The following SLC22A9 variants were observed in gnomAD, a reference collection of about 807,000 sequenced individuals.
SLC22A9 encodes the protein organic anion transporter 7.
SLC22A9 carries 64 observed loss-of-function variants against 50.1 expected under a neutral mutation model. The observed-to-expected ratio is 1.28, with a 90% CI of 1.04 to 1.57. SLC22A9 has a LOEUF of 1.57. Among genes scored for constraint, SLC22A9 ranks in the 40% most tolerant of loss-of-function variants. The pLI is 0.00. For synonymous variants in SLC22A9, 261 were observed against 242.5 expected (o/e 1.08, Z -0.71); for missense variants, 757 against 676.1 (o/e 1.12, Z -1.33).
intron 6 of SLC22A9, among the ~76,000 whole-genome samples, chr11:63,399,773 C>A (rs1448479243): frequency 2.0e-5 from 3 of 152,080 alleles, no homozygotes; most frequent in African/African-American, 7.2e-5. Context: ...ATGCAGCATT[C>A]TTTAGATAGA....
intron 6 of SLC22A9, among the ~76,000 whole-genome samples, chr11:63,398,244 A>G (rs1345476471): frequency 1.3e-5 from 2 of 152,096 alleles, no homozygotes; most frequent in African/African-American, 2.4e-5. Context: ...AATAGTATCC[A>G]TGTTGCAAGA....
chr11:63,408,365 T>C (rs2015076813), intron 8 of SLC22A9, 145 bp downstream of exon 8: 1 of 726,100 alleles, frequency 1.4e-6, no homozygotes, highest in Non-Finnish European at 2.3e-6. Flanking sequence ...AGACCAACTT[T>C]ATCTCAAGCT....
intron 6 of SLC22A9, among the ~76,000 whole-genome samples, chr11:63,385,480 T>C (rs1366677066): frequency 6.6e-6 from 1 of 152,148 alleles, no homozygotes; most frequent in Non-Finnish European, 1.5e-5. Flanking sequence ...GAGCAGTGGT[T>C]TGTAGTTCAC....
At chr11:63,396,292 CCT>C (rs1488270249) in intron 6 of SLC22A9, among the ~76,000 whole-genome samples, 1 of 152,148 alleles carries the variant, frequency 6.6e-6, no homozygotes, top group Non-Finnish European at 1.5e-5. Context: ...CATTTTTCTG[CCT>C]CTCTCCACAG....
chr11:63,370,951 T>C (rs746527205), intron 1 of SLC22A9, among the ~76,000 whole-genome samples, 184 bp from the exon 2 acceptor site: 78 of 152,264 alleles, frequency 5.1e-4, no homozygotes, highest in Non-Finnish European at 9.3e-4. Context: ...TAGGAAAGTC[T>C]TCCAAGAGAA....
Position 63,396,435 on chromosome 11 carries a change from G to C in SLC22A9, c.1074-10062G>C, listed in dbSNP as rs371946623. ...ATTAACTCAGCTCCAGGTAAGGTCA[G>C]AAACTTCCTGCAAAGTAGACCTTCA... On this transcript the variant is annotated intron_variant, in intron 6 of 9. Coordinates refer to ENST00000279178, the MANE Select transcript of SLC22A9 (RefSeq NM_080866.3). Among the ~76,000 whole-genome samples the C allele has an allele frequency of 7.2e-5, 11 of 152,290 alleles. No homozygotes were observed. The East Asian group carries it at 1.4e-3, about 19-fold the overall frequency.
At chr11:63,404,718 A>T (rs1341228702) in intron 6 of SLC22A9, among the ~76,000 whole-genome samples, 3 of 152,068 alleles carry the variant, frequency 2.0e-5, no homozygotes, top group Admixed American at 2.0e-4. Flanking sequence ...TGACCAGGGG[A>T]ACCTTCACAC....
Position 63,408,786 on chromosome 11 carries a change from G to C in SLC22A9, c.1508G>C (p.Gly503Ala). The C allele has an allele frequency of 6.2e-7, 1 of 1,613,862 alleles. No homozygotes were observed. The highest frequency in any genetic ancestry group is 8.5e-7 in the Non-Finnish European group (1 of 1,179,904). ...CCACCCCTGCCCTGGATCATCTATG[G>C]AGTCTTCCCCTTCATCTCTGGCTTT... The part of the protein sequence containing the change: ...YSPPLPWIIY[G>A]VFPFISGFAF... The change falls in exon 9 of 10, where the codon GGA (glycine) becomes GCA (alanine). Residue 503 changes from glycine (G) to alanine (A), a missense_variant. Gly to Ala is a moderately conservative substitution (Grantham distance 60). Coordinates refer to ENST00000279178, the MANE Select transcript of SLC22A9 (RefSeq NM_080866.3).
intron 6 of SLC22A9, among the ~76,000 whole-genome samples, chr11:63,403,362 A>G (rs7940738): frequency 0.24 from 37,180 of 151,896 alleles, 5,260 homozygotes; most frequent in East Asian, 0.68. Context: ...AACAAAAATT[A>G]CTGTATCTTG....
chr11:63,379,343 T>C (rs1381280804), intron 5 of SLC22A9, among the ~76,000 whole-genome samples: 2 of 152,176 alleles, frequency 1.3e-5, no homozygotes, highest in Non-Finnish European at 2.9e-5. Flanking sequence ...AACCCCTTCC[T>C]TTCACCATAT....
chr11:63,407,367 C>A (rs2015058127), intron 7 of SLC22A9, among the ~76,000 whole-genome samples: 1 of 152,156 alleles, frequency 6.6e-6, no homozygotes, highest in African/African-American at 2.4e-5. Context: ...CACCAGTCTT[C>A]ACCTAACTCT....
At position 63,382,293 on chromosome 11, in the gene SLC22A9, T is replaced by G. The variant is rs1352949582; in HGVS notation, c.1073+16T>G. The G allele has an allele frequency of 6.4e-7, 1 of 1,573,296 alleles. No individual in the cohort carries two copies. Among genetic ancestry groups the G allele is most frequent in the Non-Finnish European group, 8.7e-7 (1 of 1,155,298 alleles). On this transcript the variant is annotated intron_variant, in intron 6 of 9. Transcript: ENST00000279178. ...CCTTTACGAGGTAAGCTTCATGCAG[T>G]GTTTGAGGGTAAGTTACAGTACTGG...
Position 63,373,689 on chromosome 11 carries a change from C to T in SLC22A9, c.552C>T (p.Ala184=), listed in dbSNP as rs767011720. ...FVLRWCYLQV[A]IVGTCAALAP... ...TCAGATGGTGTTACCTCCAGGTTGC[C>T]ATTGTTGGCACCTGTGCAGCCTTGG... is the stretch of plus-strand genomic sequence containing the variant. The change falls in exon 3 of 10, where the codon GCC becomes GCT. Residue 184 remains alanine, a synonymous_variant. Transcript: ENST00000279178. 28 of 1,605,082 alleles carry T rather than the reference C, an allele frequency of 1.7e-5. No individual in the cohort carries two copies. Among genetic ancestry groups the T allele is most frequent in the Non-Finnish European group, 2.0e-5 (24 of 1,176,912 alleles).
At chr11:63,404,961 A>G (rs2120015206) in intron 6 of SLC22A9, among the ~76,000 whole-genome samples, 1 of 152,246 alleles carries the variant, frequency 6.6e-6, no homozygotes, top group East Asian at 1.9e-4. Flanking sequence ...GATCCTGGGA[A>G]AGGAGAGAAT....
At position 63,409,783 on chromosome 11, in the gene SLC22A9, T is replaced by C; in HGVS notation, c.1602-19T>C. ...TTCATTTTTGTGATTTTTTGTTGGT[T>C]TCTTTGTATTTGTTCTAGGAGAAAA... On this transcript the variant is annotated intron_variant, in intron 9 of 9. Coordinates refer to ENST00000279178, the MANE Select transcript of SLC22A9 (RefSeq NM_080866.3). The C allele has an allele frequency of 6.2e-7, 1 of 1,612,638 alleles. No homozygotes were observed. Among genetic ancestry groups the C allele is most frequent in the Non-Finnish European group, 8.5e-7 (1 of 1,179,224 alleles).
Position 63,382,245 on chromosome 11 carries a change from A to G in SLC22A9, c.1041A>G (p.Ile347Met). ...SLCEMLHMPN[I>M]CKRISLLSFT... ...GTGAAATGCTCCACATGCCCAACAT[A>G]TGTAAAAGGATCTCCCTCCTGTCCT... is the stretch of plus-strand genomic sequence containing the variant. The change falls in exon 6 of 10, where the codon ATA (isoleucine) becomes ATG (methionine). Residue 347 changes from isoleucine to methionine, a missense_variant. By Grantham distance (10) the Ile-to-Met change is conservative (BLOSUM62 1). Coordinates refer to ENST00000279178, the MANE Select transcript of SLC22A9 (RefSeq NM_080866.3). 6.2e-7 allele frequency: 1 copy of G among 1,610,434 alleles called. No individual in the cohort carries two copies. Among genetic ancestry groups the G allele is most frequent in the East Asian group, 2.2e-5 (1 of 44,850 alleles).
intron 6 of SLC22A9, among the ~76,000 whole-genome samples, chr11:63,390,107 T>C (rs2119945863): frequency 6.6e-6 from 1 of 152,350 alleles, no homozygotes; most frequent in Non-Finnish European, 1.5e-5. Flanking sequence ...TGCAAAAATT[T>C]TCTCCCATTC....
intron 7 of SLC22A9, among the ~76,000 whole-genome samples, chr11:63,407,412 G>A (rs1186488797): frequency 2.6e-5 from 4 of 152,120 alleles, no homozygotes; most frequent in African/African-American, 9.7e-5. Context: ...ATCTCAGATT[G>A]GTGTGCTCCA....
chr11:63,383,143 A>C (rs1477874424), intron 6 of SLC22A9, among the ~76,000 whole-genome samples: 1 of 152,210 alleles, frequency 6.6e-6, no homozygotes, highest in Admixed American at 6.5e-5. Flanking sequence ...GGTACAGCTC[A>C]GTGCAATAAA....
Sources: allele counts gnomAD v4.1 joint callset (sites outside exome capture counted in the v4.1 genomes callset), GRCh38; gene constraint gnomAD v4.1.1; transcripts MANE v1.5; gene names NCBI Gene and HGNC (gene_info 2026-07-23, HGNC 2026-07-21).